NEDD4: variants seen among roughly 807,000 people sequenced by gnomAD.
NEDD4 encodes the protein E3 ubiquitin-protein ligase NEDD4.
A neutral mutation model predicts 144.9 loss-of-function variants in NEDD4; 99 were observed. The observed-to-expected ratio is 0.68, with a 90% CI of 0.58 to 0.81. The LOEUF (loss-of-function observed/expected upper bound fraction) is 0.81. NEDD4 is among the 30% of genes least tolerant of loss of function. The pLI is 0.00. For missense variants in NEDD4, 985 were observed against 1,065.9 expected, an observed-to-expected ratio of 0.92 and a Z score of 1.06; for synonymous variants, 318 against 350.6, an observed-to-expected ratio of 0.91 and a Z score of 1.04.
intron 5 of NEDD4, among the ~76,000 whole-genome samples, chr15:55,881,861 TG>T (rs1375158184): frequency 1.3e-5 from 2 of 152,094 alleles, no homozygotes; most frequent in Non-Finnish European, 2.9e-5. Flanking sequence ...TTTTTTGTTG[TG>T]GGGGCTGTCT....
Position 55,828,616 on chromosome 15 carries a change from C to T in NEDD4, c.*1281G>A, listed in dbSNP as rs1030611204. 6.6e-6 allele frequency: 1 copy of T among 152,510 alleles called. No homozygotes were observed. Among genetic ancestry groups the T allele is most frequent in the Non-Finnish European group, 1.5e-5 (1 of 68,026 alleles). 9.4% of individuals were successfully genotyped at this position (152,510 alleles called of 1,614,324 possible). On this transcript the variant is annotated 3_prime_UTR_variant, in exon 29 of 29. Transcript: ENST00000435532. Reference sequence around the variant, plus strand: ...TTCTCTGAAGCTGACAACTCTTACCCCAGAGCATAGCACAGCGCTAGGCAC... The same window carrying T: ...TTCTCTGAAGCTGACAACTCTTACCTCAGAGCATAGCACAGCGCTAGGCAC...
intron 5 of NEDD4, among the ~76,000 whole-genome samples, chr15:55,897,116 G>A (rs1043043396): frequency 7.9e-5 from 12 of 152,096 alleles, no homozygotes; most frequent in African/African-American, 2.4e-4. Flanking sequence ...TGGGACTATA[G>A]GTGCCCGCCA....
intron 5 of NEDD4, among the ~76,000 whole-genome samples, chr15:55,891,552 C>G (rs1193254054): frequency 6.6e-6 from 1 of 152,112 alleles, no homozygotes; most frequent in Non-Finnish European, 1.5e-5. Flanking sequence ...CTGCATGCAG[C>G]CTACTTCATA....
At chr15:55,984,205 T>C (rs1329100413) in intron 1 of NEDD4, among the ~76,000 whole-genome samples, 17 of 152,222 alleles carry the variant, frequency 1.1e-4, no homozygotes, top group Admixed American at 1.1e-3. Context: ...TTTGCACACA[T>C]TCCATTCACA....
At chr15:55,870,890 A>T (rs150235949) in intron 7 of NEDD4, among the ~76,000 whole-genome samples, 6 of 152,044 alleles carry the variant, frequency 3.9e-5, no homozygotes, top group Admixed American at 6.6e-5. Context: ...TACTTAAGAA[A>T]TCCTTACTTG....
chr15:55,875,073 A>C (rs1468395307), intron 5 of NEDD4, among the ~76,000 whole-genome samples: 2 of 152,118 alleles, frequency 1.3e-5, no homozygotes, highest in African/African-American at 2.4e-5. Flanking sequence ...CACAATAAAA[A>C]AATTACTAGA....
At chr15:55,845,376 C>T (rs1282220478) in intron 18 of NEDD4, among the ~76,000 whole-genome samples, 2 of 152,214 alleles carry the variant, frequency 1.3e-5, no homozygotes, top group African/African-American at 4.8e-5. Context: ...CCTATTCTCT[C>T]TGTGCCTCAG....
chr15:55,937,939 G>A (rs1434964906), intron 4 of NEDD4, among the ~76,000 whole-genome samples: 2 of 152,190 alleles, frequency 1.3e-5, no homozygotes, highest in African/African-American at 4.8e-5. Context: ...AATTAAAACA[G>A]TATGACACAG....
intron 2 of NEDD4, among the ~76,000 whole-genome samples, chr15:55,951,958 G>A (rs887145981): frequency 1.3e-5 from 2 of 151,754 alleles, no homozygotes; most frequent in Non-Finnish European, 2.9e-5. Flanking sequence ...ACTTCAGGTT[G>A]TCTCAAGTTA....
intron 4 of NEDD4, among the ~76,000 whole-genome samples, chr15:55,937,907 A>C (rs1051291954): frequency 6.6e-6 from 1 of 152,252 alleles, no homozygotes. Context: ...CCTGATTTCC[A>C]AATATATCAC....
chr15:55,941,668 G>A (rs971589709), intron 4 of NEDD4, among the ~76,000 whole-genome samples: 2 of 151,682 alleles, frequency 1.3e-5, no homozygotes, highest in African/African-American at 2.4e-5. Flanking sequence ...AGGTTCAAGC[G>A]ATTCTCGTGC....
intron 17 of NEDD4, 71 bp from the exon 18 acceptor site, chr15:55,847,105 G>A: frequency 9.5e-7 from 1 of 1,049,474 alleles, no homozygotes; most frequent in East Asian, 2.5e-5. Flanking sequence ...TTTATTTGTT[G>A]TATTTTATGA....
intron 5 of NEDD4, among the ~76,000 whole-genome samples, chr15:55,899,429 T>C (rs1345659018): frequency 6.6e-6 from 1 of 152,232 alleles, no homozygotes; most frequent in Non-Finnish European, 1.5e-5. Context: ...TGAAAACTCA[T>C]ATGATTTTTA....
At chr15:55,973,835 C>CAA (rs879352706) in intron 1 of NEDD4, among the ~76,000 whole-genome samples, 6 of 130,860 alleles carry the variant, frequency 4.6e-5, no homozygotes, top group Non-Finnish European at 6.7e-5. Context: ...AGAAAAACTT[C>CAA]AAAAAAAAAA....
At chr15:55,910,189 C>A (rs947790733) in intron 5 of NEDD4, among the ~76,000 whole-genome samples, 4 of 152,166 alleles carry the variant, frequency 2.6e-5, no homozygotes, top group African/African-American at 4.8e-5. Context: ...TACATATATA[C>A]CTTGCCTATG....
intron 2 of NEDD4, among the ~76,000 whole-genome samples, chr15:55,959,570 A>C (rs1424890085): frequency 1.3e-5 from 2 of 152,228 alleles, no homozygotes; most frequent in Non-Finnish European, 2.9e-5. Context: ...TCTCCTCTTA[A>C]GCATGGGACA....
rs200737525 is a variant in NEDD4 at position 55,924,715 on chromosome 15, T to C, written c.238-16A>G. 2 of 1,601,534 alleles carry C rather than the reference T, an allele frequency of 1.2e-6. No homozygotes were observed. Among genetic ancestry groups the C allele is most frequent in the African/African-American group, 1.3e-5 (1 of 74,782 alleles). On this transcript the variant is annotated splice_polypyrimidine_tract_variant and intron_variant, in intron 4 of 28. Transcript: ENST00000435532. ...GAGGATGAACCTAAGAAAAACACAA[T>C]CTTTATTTAAAAACAAGTAAACATC...
In NEDD4 at chr15:55,936,260, C is replaced by T. The variant is rs1195917385; in HGVS notation, c.238-11561G>A. Among the ~76,000 whole-genome samples the T allele has an allele frequency of 2.0e-5, 3 of 152,222 alleles. No homozygotes were observed. The East Asian group carries it at 5.8e-4, about 29-fold the overall frequency. On this transcript the variant is annotated intron_variant, in intron 4 of 28. Coordinates refer to ENST00000435532, the MANE Select transcript of NEDD4 (RefSeq NM_006154.4). ...GTAATAATTATGAGTTACCTGTTCACACTGGTCCATACTAGACAGTAAGTT... is the reference window on the plus strand; with the variant it reads ...GTAATAATTATGAGTTACCTGTTCATACTGGTCCATACTAGACAGTAAGTT...
chr15:55,869,760 C>T (rs1338589186), intron 7 of NEDD4, 79 bp from the exon 8 acceptor site: 3 of 904,950 alleles, frequency 3.3e-6, no homozygotes, highest in African/African-American at 1.7e-5. Flanking sequence ...TTAATGAACA[C>T]CCACTAGGTA....
Sources: gnomAD v4.1 joint callset for allele counts (sites outside exome capture counted in the v4.1 genomes callset) on GRCh38, gnomAD v4.1.1 for gene constraint, MANE v1.5 for transcripts, NCBI Gene and HGNC (gene_info 2026-07-23, HGNC 2026-07-21) for gene names.